HSD17B12: variants seen among roughly 807,000 people sequenced by gnomAD.
HSD17B12 encodes the protein hydroxysteroid 17-beta dehydrogenase 12, also known as very-long-chain 3-oxoacyl-CoA reductase.
HSD17B12 carries 32 observed loss-of-function variants against 39.3 expected under a neutral mutation model. That is an observed-to-expected ratio of 0.81 (90% CI 0.61 to 1.09). The LOEUF (loss-of-function observed/expected upper bound fraction) is 1.09. Ranked by LOEUF, HSD17B12 falls within the 50% of genes least tolerant of loss-of-function variation. HSD17B12 has a pLI of 0.00. For synonymous variants in HSD17B12, 150 were observed against 146.7 expected (o/e 1.02, Z -0.16); for missense variants, 342 against 382.9 (o/e 0.89, Z 0.89).
rs906598913 is a variant in HSD17B12 at position 43,828,542 on chromosome 11, C to T, written c.502-2434C>T. Among the ~76,000 whole-genome samples, 5 of 150,260 alleles carry T rather than the reference C, an allele frequency of 3.3e-5. No individual in the cohort carries two copies. In the South Asian group the frequency reaches 8.3e-4, roughly 25 times the overall value. On this transcript the variant is annotated intron_variant, in intron 6 of 10. Transcript: ENST00000278353. ...ATGGGTCTGGAAATCATGTTTACTA[C>T]TACTTGTCTAATATTCTTAACCACT...
At chr11:43,770,762 T>C (rs1346132662) in intron 3 of HSD17B12, among the ~76,000 whole-genome samples, 1 of 152,086 alleles carries the variant, frequency 6.6e-6, no homozygotes, top group East Asian at 1.9e-4. Context: ...AAGTTTGCAG[T>C]CTTTATTATC....
the HSD17B12 span, among the ~76,000 whole-genome samples, chr11:43,654,590 A>C: frequency 7.2e-5 from 11 of 152,050 alleles, no homozygotes; most frequent in African/African-American, 2.7e-4. Flanking sequence ...TAAGGAAGGG[A>C]TCCAGTTTCA....
the HSD17B12 span, among the ~76,000 whole-genome samples, chr11:43,670,962 G>T: frequency 6.6e-6 from 1 of 151,874 alleles, no homozygotes; most frequent in Non-Finnish European, 1.5e-5. Flanking sequence ...AAAGTAGCTA[G>T]AATTTTTAGA....
At chr11:43,835,406 A>G (rs1296570507) in intron 7 of HSD17B12, among the ~76,000 whole-genome samples, 1 of 152,198 alleles carries the variant, frequency 6.6e-6, no homozygotes, top group Non-Finnish European at 1.5e-5. Context: ...TACTGTATAC[A>G]GTACAAAGAT....
rs779107401 is a variant in HSD17B12 at position 43,840,052 on chromosome 11, C to A, written c.672C>A (p.Gly224=). The change falls in exon 9 of 11, where the codon GGC becomes GGA. Residue 224 remains glycine (G), a synonymous_variant. Coordinates refer to ENST00000278353, the MANE Select transcript of HSD17B12 (RefSeq NM_016142.3). ...TCCATGAGGAGTATAGGAGCAAGGG[C>A]GTCTTTGTGCAGGTGAGTGGAGTTT... ...QCLHEEYRSK[G]VFVQSVLPYF... 1.2e-6 allele frequency: 2 copies of A among 1,612,082 alleles called. No homozygotes were observed. Among genetic ancestry groups the A allele is most frequent in the Admixed American group, 3.3e-5 (2 of 59,788 alleles).
intron 1 of HSD17B12, among the ~76,000 whole-genome samples, chr11:43,738,104 T>C (rs1190130046): frequency 1.3e-5 from 2 of 151,476 alleles, no homozygotes; most frequent in Admixed American, 1.3e-4. Context: ...TTTGGTAATT[T>C]AGCATGTTTG....
intron 1 of HSD17B12, among the ~76,000 whole-genome samples, chr11:43,745,624 C>A (rs1218937030): frequency 6.6e-6 from 1 of 152,140 alleles, no homozygotes; most frequent in East Asian, 1.9e-4. Context: ...GGCTACAAAC[C>A]TGTATATAAT....
At chr11:43,838,434 A>T in intron 8 of HSD17B12, 36 bp downstream of exon 8, 1 of 1,404,468 alleles carries the variant, frequency 7.1e-7, no homozygotes, top group Non-Finnish European at 1.0e-6. Context: ...TCAATATAGT[A>T]ATAAGGGGTA....
At chr11:43,632,464 G>T in the HSD17B12 span, among the ~76,000 whole-genome samples, 1 of 152,124 alleles carries the variant, frequency 6.6e-6, no homozygotes, top group Admixed American at 6.6e-5. Flanking sequence ...TCATTGGAAG[G>T]GTGTGGATTT....
chr11:43,674,610 C>T, the HSD17B12 span, among the ~76,000 whole-genome samples: 2 of 152,168 alleles, frequency 1.3e-5, no homozygotes, highest in Non-Finnish European at 2.9e-5. Context: ...TAACTAAATT[C>T]CAACAGCAAT....
intron 3 of HSD17B12, among the ~76,000 whole-genome samples, chr11:43,768,569 G>T (rs992584625): frequency 6.6e-6 from 1 of 152,112 alleles, no homozygotes; most frequent in African/African-American, 2.4e-5. Flanking sequence ...TCCAGAGTTT[G>T]TTCCTCCAGA....
intron 1 of HSD17B12, among the ~76,000 whole-genome samples, chr11:43,692,981 G>GA (rs1949876582): frequency 6.6e-6 from 1 of 152,116 alleles, no homozygotes; most frequent in South Asian, 2.1e-4. Flanking sequence ...GCCATTTTGT[G>GA]AAAAAACTTG....
upstream of HSD17B12, among the ~76,000 whole-genome samples, chr11:43,676,206 A>AGG (rs1012421231): frequency 2.8e-5 from 1 of 35,288 alleles, no homozygotes; most frequent in African/African-American, 9.1e-5. Context: ...AAAGAGGAAG[A>AGG]GGGTGTGTGT....
chr11:43,783,215 G>C (rs1950783059), intron 3 of HSD17B12, among the ~76,000 whole-genome samples: 1 of 152,082 alleles, frequency 6.6e-6, no homozygotes, highest in South Asian at 2.1e-4. Context: ...AAATTGACAG[G>C]CTCTGAGGAT....
intron 1 of HSD17B12, among the ~76,000 whole-genome samples, chr11:43,721,414 C>G (rs963495285): frequency 6.6e-6 from 1 of 151,930 alleles, no homozygotes; most frequent in Non-Finnish European, 1.5e-5. Flanking sequence ...GTCAGGAGAT[C>G]GAGACCATCC....
the HSD17B12 span, among the ~76,000 whole-genome samples, chr11:43,659,248 A>G: frequency 1.3e-5 from 2 of 151,830 alleles, no homozygotes; most frequent in African/African-American, 4.8e-5. Flanking sequence ...GGAAGAGCGC[A>G]GTATTAGGGT....
At chr11:43,575,261 C>T in the HSD17B12 span, among the ~76,000 whole-genome samples, 1 of 151,882 alleles carries the variant, frequency 6.6e-6, no homozygotes, top group East Asian at 1.9e-4. The surrounding 1 kb of genome is among the most constrained non-coding windows in gnomAD (Gnocchi z 4.1). Flanking sequence ...GATGCGTGGG[C>T]GCAGGAAACA....
chr11:43,625,916 TTAA>T, the HSD17B12 span, among the ~76,000 whole-genome samples: 3 of 150,698 alleles, frequency 2.0e-5, no homozygotes, highest in South Asian at 2.1e-4. Context: ...ATATTTCTAG[TTAA>T]TAATAAAACT....
intron 6 of HSD17B12, among the ~76,000 whole-genome samples, chr11:43,823,563 G>A (rs1056536538): frequency 5.9e-5 from 9 of 152,148 alleles, no homozygotes; most frequent in African/African-American, 2.2e-4. Flanking sequence ...GAGTCACCAT[G>A]TCTGGACTAG....
Sources: allele counts gnomAD v4.1 joint callset (sites outside exome capture counted in the v4.1 genomes callset), GRCh38; gene constraint gnomAD v4.1.1; non-coding constraint Gnocchi (gnomAD v3.1); transcripts MANE v1.5; gene names NCBI Gene and HGNC (gene_info 2026-07-23, HGNC 2026-07-21).